The following CNTN5 variants were observed in gnomAD, a reference collection of about 807,000 sequenced individuals.
CNTN5 encodes the protein contactin 5.
In CNTN5, 77 loss-of-function variants were observed where a neutral mutation model predicts 129.1. The ratio of observed to expected loss-of-function variants is 0.60; its 90% CI spans 0.50 to 0.72. The LOEUF (loss-of-function observed/expected upper bound fraction) is 0.72. CNTN5 is among the 30% of genes least tolerant of loss of function. The pLI, the probability that CNTN5 is intolerant of heterozygous loss-of-function variation, is 0.00. For synonymous variants in CNTN5, 509 were observed against 465.6 expected (o/e 1.09, Z -1.20); for missense variants, 1,478 against 1,328.8 (o/e 1.11, Z -1.75).
chr11:99,645,057 G>A (rs1951902779), intron 3 of CNTN5, among the ~76,000 whole-genome samples: 2 of 150,486 alleles, frequency 1.3e-5, no homozygotes, highest in Non-Finnish European at 3.0e-5. Context: ...ACAAGGTCAG[G>A]AGTTGAGACC....
intron 13 of CNTN5, among the ~76,000 whole-genome samples, chr11:100,190,739 T>C (rs1378991020): frequency 6.6e-6 from 1 of 151,618 alleles, no homozygotes; most frequent in East Asian, 1.9e-4. Flanking sequence ...GTTTTTTTTT[T>C]TTATATATGA....
Position 99,520,072 on chromosome 11 carries a change from C to T in CNTN5, c.-70-36073C>T, listed in dbSNP as rs542854059. Among the ~76,000 whole-genome samples, 7 of 152,112 alleles carry T rather than the reference C, an allele frequency of 4.6e-5. No homozygotes were observed. In the East Asian group the frequency reaches 5.8e-4, roughly 13 times the overall value. ...ATGTTTTTATATAGCATTTATTTTACGCTCACCCTGGCTTTTATAGCACAT... is the reference window on the plus strand; with the variant it reads ...ATGTTTTTATATAGCATTTATTTTATGCTCACCCTGGCTTTTATAGCACAT... On this transcript the variant is annotated intron_variant, in intron 2 of 24. Transcript: ENST00000524871.
intron 6 of CNTN5, among the ~76,000 whole-genome samples, chr11:99,907,049 T>A (rs1415917219): frequency 1.3e-5 from 2 of 152,094 alleles, no homozygotes; most frequent in Non-Finnish European, 2.9e-5. Flanking sequence ...TGGTCTATTT[T>A]GTTAATCTTT....
intron 17 of CNTN5, among the ~76,000 whole-genome samples, chr11:100,265,087 C>T (rs931611200): frequency 6.6e-6 from 1 of 151,778 alleles, no homozygotes; most frequent in African/African-American, 2.4e-5. Flanking sequence ...TGATATTTTT[C>T]AGAGTTCTTT....
chr11:99,339,402 A>G (rs893975123), intron 2 of CNTN5, among the ~76,000 whole-genome samples: 8 of 152,122 alleles, frequency 5.3e-5, no homozygotes, highest in Admixed American at 6.5e-5. Context: ...CTTTTTGCTA[A>G]GCCAATGTTT....
intron 13 of CNTN5, among the ~76,000 whole-genome samples, chr11:100,145,726 C>A (rs1159609661): frequency 6.6e-6 from 1 of 152,078 alleles, no homozygotes; most frequent in Non-Finnish European, 1.5e-5. Context: ...ATTCCAGGGA[C>A]TCTAGGGATT....
chr11:99,210,497 T>C (rs55701903), intron 1 of CNTN5, among the ~76,000 whole-genome samples: 2,534 of 152,240 alleles, frequency 0.017, 37 homozygotes, highest in African/African-American at 0.035. Flanking sequence ...AAAAAGGTCC[T>C]CATATGATGG....
At chr11:100,243,020 G>A (rs995387236) in intron 16 of CNTN5, among the ~76,000 whole-genome samples, 1 of 152,198 alleles carries the variant, frequency 6.6e-6, no homozygotes, top group Non-Finnish European at 1.5e-5. Context: ...GTAGGAGAGG[G>A]TTTTTAGGAA....
At chr11:99,698,729 T>G (rs952005966) in intron 3 of CNTN5, among the ~76,000 whole-genome samples, 20 of 151,454 alleles carry the variant, frequency 1.3e-4, no homozygotes, top group Admixed American at 6.0e-4. Flanking sequence ...AACTAAATAC[T>G]TGTTACATTT....
intron 23 of CNTN5, among the ~76,000 whole-genome samples, chr11:100,350,290 C>A (rs1397448882): frequency 1.3e-5 from 2 of 151,664 alleles, no homozygotes; most frequent in African/African-American, 4.8e-5. Flanking sequence ...TCCTCTCTAC[C>A]TACTTCTCTA....
At chr11:99,386,863 G>A (rs965925552) in intron 2 of CNTN5, among the ~76,000 whole-genome samples, 1 of 151,998 alleles carries the variant, frequency 6.6e-6, no homozygotes, top group Non-Finnish European at 1.5e-5. Context: ...CCATTCTAAG[G>A]CATTTCTCCT....
chr11:99,206,991 T>C (rs1203570372), intron 1 of CNTN5, among the ~76,000 whole-genome samples: 1 of 152,118 alleles, frequency 6.6e-6, no homozygotes. Context: ...TAATTCTCCA[T>C]ACCTAAAATA....
chr11:99,461,230 A>T (rs1944685673), intron 2 of CNTN5, among the ~76,000 whole-genome samples: 1 of 152,096 alleles, frequency 6.6e-6, no homozygotes, highest in Non-Finnish European at 1.5e-5. Context: ...AAGTAGGTAG[A>T]AACAGAAGGG....
intron 1 of CNTN5, among the ~76,000 whole-genome samples, chr11:99,269,519 A>G (rs962811258): frequency 2.2e-4 from 33 of 151,876 alleles, no homozygotes; most frequent in Non-Finnish European, 1.2e-4. Context: ...ATTGTAAACA[A>G]GAAATGATCT....
chr11:99,238,247 A>C (rs1281331660), intron 1 of CNTN5, among the ~76,000 whole-genome samples: 6 of 152,280 alleles, frequency 3.9e-5, no homozygotes, highest in African/African-American at 1.4e-4. Context: ...TAGAAGCAAA[A>C]GTCAATTTGG....
intron 2 of CNTN5, among the ~76,000 whole-genome samples, chr11:99,450,213 GA>G (rs1218887661): frequency 1.3e-5 from 2 of 150,870 alleles, no homozygotes; most frequent in Non-Finnish European, 2.9e-5. Flanking sequence ...GAAACTCAGA[GA>G]ATAAATATTT....
intron 2 of CNTN5, among the ~76,000 whole-genome samples, chr11:99,331,298 T>A (rs1865989492): frequency 6.6e-6 from 1 of 152,026 alleles, no homozygotes; most frequent in Admixed American, 6.6e-5. Flanking sequence ...TGCTATAAAT[T>A]GTGCTAGTAA....
intron 1 of CNTN5, among the ~76,000 whole-genome samples, chr11:99,294,625 C>G (rs1445469617): frequency 6.6e-6 from 1 of 152,096 alleles, no homozygotes; most frequent in Non-Finnish European, 1.5e-5. Context: ...AGTGCAATCC[C>G]TGTGGATGTT....
intron 2 of CNTN5, among the ~76,000 whole-genome samples, chr11:99,494,914 C>A (rs374835012): frequency 6.6e-6 from 1 of 152,228 alleles, no homozygotes; most frequent in African/African-American, 2.4e-5. Context: ...TAAAAGACAT[C>A]AGATTCTTGC....
Sources: gnomAD v4.1 joint callset for allele counts (sites outside exome capture counted in the v4.1 genomes callset) on GRCh38, gnomAD v4.1.1 for gene constraint, MANE v1.5 for transcripts, NCBI Gene and HGNC (gene_info 2026-07-23, HGNC 2026-07-21) for gene names.